The following TEX11 variants were observed in gnomAD, a reference collection of about 807,000 sequenced individuals.
The protein encoded by TEX11 is testis expressed 11, also known as testis-expressed protein 11.
Under a neutral mutation model 84.4 loss-of-function variants are expected in TEX11, and 7 were observed. The ratio of observed to expected loss-of-function variants is 0.08; its 90% CI spans 0.05 to 0.16. TEX11 has a LOEUF of 0.16. Ranked by LOEUF, TEX11 falls within the 10% of genes least tolerant of loss-of-function variation. The pLI is 1.00. For synonymous variants in TEX11, 264 were observed against 222.8 expected (o/e 1.18, Z -1.64); for missense variants, 551 against 660.5 (o/e 0.83, Z 1.82).
chrX:70,514,940 C>T, the TEX11 span, among the ~76,000 whole-genome samples: 10 of 107,549 alleles, frequency 9.3e-5, no homozygotes, highest in South Asian at 4.2e-4. Flanking sequence ...TGGTGGGACG[C>T]GCCTGTAATC....
At chrX:70,512,522 C>T in the TEX11 span, among the ~76,000 whole-genome samples, 1 of 108,380 alleles carries the variant, frequency 9.2e-6, no homozygotes, top group Non-Finnish European at 1.9e-5. Flanking sequence ...GGGTGCCCTG[C>T]CTGCAAAGCA....
In TEX11 at chrX:70,605,485, A is replaced by T. The variant is rs780645776; in HGVS notation, c.1983T>A (p.Ile661=). The change falls in exon 24 of 30, where the codon ATT becomes ATA. Residue 661 remains isoleucine, a synonymous_variant. Coordinates refer to ENST00000374333, the MANE Select transcript of TEX11 (RefSeq NM_031276.3). ...GTAAACATGTTTTCCGTGCAATCAGAATTACTTGATCAGAAGGACAAAACT... is the reference window on the plus strand; with the variant it reads ...GTAAACATGTTTTCCGTGCAATCAGTATTACTTGATCAGAAGGACAAAACT... ...MSQFCPSDQV[I]LIARKTCLLM... 1 of 1,208,171 alleles carries T rather than the reference A, an allele frequency of 8.3e-7. No homozygotes were observed. Among genetic ancestry groups the T allele is most frequent in the Non-Finnish European group, 1.1e-6 (1 of 892,972 alleles).
intron 9 of TEX11, among the ~76,000 whole-genome samples, chrX:70,774,539 T>C: frequency 9.0e-6 from 1 of 111,282 alleles, no homozygotes; most frequent in African/African-American, 3.3e-5. Context: ...AAAATCAACA[T>C]ACAAAAATCA....
At chrX:70,599,314 G>A in intron 24 of TEX11, among the ~76,000 whole-genome samples, 1 of 111,895 alleles carries the variant, frequency 8.9e-6, no homozygotes, top group Admixed American at 9.4e-5. Flanking sequence ...AAGAAGGTGT[G>A]GTTCCTTGAC....
intron 28 of TEX11, among the ~76,000 whole-genome samples, chrX:70,531,458 G>T (rs1411153464): frequency 2.7e-5 from 3 of 111,896 alleles, no homozygotes; most frequent in Non-Finnish European, 3.8e-5. Flanking sequence ...CCTTTGCTTG[G>T]CACAGTGTCT....
At chrX:70,682,960 G>T in intron 13 of TEX11, 135 bp from the exon 14 acceptor site, 1 of 531,408 alleles carries the variant, frequency 1.9e-6, no homozygotes, top group Non-Finnish European at 2.9e-6. Flanking sequence ...GTTATTAAAT[G>T]TCTAAATAAG....
intron 7 of TEX11, among the ~76,000 whole-genome samples, chrX:70,840,777 G>A (rs1487986505): frequency 9.0e-6 from 1 of 111,667 alleles, no homozygotes; most frequent in Non-Finnish European, 1.9e-5. Context: ...ATAAAGGGAT[G>A]GAGGAAGATC....
At chrX:70,874,643 C>T (rs2091646712) in intron 3 of TEX11, among the ~76,000 whole-genome samples, 1 of 106,832 alleles carries the variant, frequency 9.4e-6, no homozygotes, top group African/African-American at 3.4e-5. Context: ...CTCAGGTGAT[C>T]CGCCCGCCTC....
At chrX:70,560,919 T>A (rs1247274025) in intron 25 of TEX11, among the ~76,000 whole-genome samples, 2 of 75,490 alleles carry the variant, frequency 2.6e-5, no homozygotes, top group African/African-American at 1.0e-4. Context: ...TTTTTTTTTT[T>A]TTTTTTTTTG....
chrX:70,844,950 A>G (rs938060516), intron 7 of TEX11, among the ~76,000 whole-genome samples: 15 of 110,863 alleles, frequency 1.4e-4, no homozygotes, highest in Admixed American at 1.3e-3. Flanking sequence ...AAAAAGACTA[A>G]GTATTTAGAA....
intron 8 of TEX11, 87 bp downstream of exon 8, chrX:70,833,426 C>T (rs2091388480): frequency 2.6e-6 from 2 of 758,726 alleles, no homozygotes; most frequent in Non-Finnish European, 2.0e-6. Context: ...ATAGAATCTC[C>T]AAAAGGTTGC....
chrX:70,597,829 T>C, intron 24 of TEX11, among the ~76,000 whole-genome samples: 1 of 112,024 alleles, frequency 8.9e-6, no homozygotes, highest in Non-Finnish European at 1.9e-5. Context: ...GAGAAAATAA[T>C]TGCAAATCAT....
At chrX:70,877,813 G>A (rs1049269483) in intron 3 of TEX11, among the ~76,000 whole-genome samples, 9 of 111,762 alleles carry the variant, frequency 8.1e-5, no homozygotes, top group South Asian at 3.8e-4. Context: ...CTTACATGAG[G>A]TACTGAGAGT....
At chrX:70,647,627 C>T (rs1199196075) in intron 17 of TEX11, among the ~76,000 whole-genome samples, 1 of 107,409 alleles carries the variant, frequency 9.3e-6, no homozygotes, top group Non-Finnish European at 1.9e-5. Flanking sequence ...GATCATTCCA[C>T]TGCACTTCCA....
chrX:70,703,893 T>C (rs772432608), intron 13 of TEX11, among the ~76,000 whole-genome samples: 1 of 111,996 alleles, frequency 8.9e-6, no homozygotes, highest in African/African-American at 3.2e-5. Flanking sequence ...TTCCCTGGTA[T>C]GGTTTGGACA....
intron 2 of TEX11, among the ~76,000 whole-genome samples, chrX:70,894,422 T>C (rs1030383112): frequency 3.6e-5 from 4 of 110,062 alleles, no homozygotes; most frequent in Non-Finnish European, 5.7e-5. Flanking sequence ...GGTCAAGAGA[T>C]CGAGACCATC....
At chrX:70,741,324 A>C (rs2090732518) in intron 10 of TEX11, among the ~76,000 whole-genome samples, 2 of 112,081 alleles carry the variant, frequency 1.8e-5, no homozygotes, top group African/African-American at 6.5e-5. Flanking sequence ...AAAAAGCCAG[A>C]CATAAAACAG....
chrX:70,872,963 A>T (rs2091636915), intron 4 of TEX11, among the ~76,000 whole-genome samples: 1 of 110,918 alleles, frequency 9.0e-6, no homozygotes, highest in South Asian at 3.8e-4. Context: ...CCTTTTAATC[A>T]TCTTTGTTGT....
At chrX:70,841,481 G>T (rs186443189) in intron 7 of TEX11, among the ~76,000 whole-genome samples, 2 of 110,952 alleles carry the variant, frequency 1.8e-5, no homozygotes, top group African/African-American at 6.6e-5. Flanking sequence ...ATTCAAAGCA[G>T]TGTGTAGAGG....
Sources: allele counts gnomAD v4.1 joint callset (sites outside exome capture counted in the v4.1 genomes callset), GRCh38; gene constraint gnomAD v4.1.1; transcripts MANE v1.5; gene names NCBI Gene and HGNC (gene_info 2026-07-23, HGNC 2026-07-21).